Variants in WFDC1 observed in about 807,000 individuals in gnomAD.
The protein encoded by WFDC1 is WAP four-disulfide core domain 1.
Under a neutral mutation model 32.9 loss-of-function variants are expected in WFDC1, and 39 were observed. The ratio of observed to expected loss-of-function variants is 1.19; its 90% confidence interval spans 0.92 to 1.55. WFDC1 has a LOEUF of 1.55. Ranked by LOEUF, WFDC1 falls within the 40% of genes most tolerant of loss-of-function variation. The pLI is 0.00. For synonymous variants in WFDC1, 184 were observed against 137.4 expected, an observed-to-expected ratio of 1.34 and a Z score of -2.37; for missense variants, 386 against 309.5, an observed-to-expected ratio of 1.25 and a Z score of -1.85.
intron 5 of WFDC1, 170 bp from the exon 6 acceptor site, chr16:84,326,712 G>C: frequency 4.5e-6 from 3 of 666,294 alleles, no homozygotes; most frequent in South Asian, 1.7e-5. Flanking sequence ...CAGCTGGGGG[G>C]CCTGGGGAGG....
chr16:84,311,527 C>CTT (rs35243949), intron 1 of WFDC1, among the ~76,000 whole-genome samples: 1,591 of 88,662 alleles, frequency 0.018, 123 homozygotes, highest in Admixed American at 0.077. Flanking sequence ...TGCGCCTGGA[C>CTT]TTTTTTTTTT....
intron 1 of WFDC1, among the ~76,000 whole-genome samples, chr16:84,302,898 T>C (rs777373674): frequency 1.3e-5 from 2 of 152,128 alleles, no homozygotes; most frequent in Non-Finnish European, 2.9e-5. Context: ...TCAATTATGT[T>C]AAAACCTTCC....
chr16:84,304,017 A>T (rs1453575650), intron 1 of WFDC1, among the ~76,000 whole-genome samples: 1 of 152,196 alleles, frequency 6.6e-6, no homozygotes, highest in African/African-American at 2.4e-5. Flanking sequence ...GTGGATCGAC[A>T]TCTTCCTTTC....
chr16:84,305,163 C>G (rs577591355), intron 1 of WFDC1, among the ~76,000 whole-genome samples: 2 of 152,334 alleles, frequency 1.3e-5, no homozygotes, highest in African/African-American at 2.4e-5. Context: ...TGTGAGGACC[C>G]AGCACAGCAT....
chr16:84,309,605 A>T (rs1168910308), intron 1 of WFDC1, among the ~76,000 whole-genome samples: 1 of 152,028 alleles, frequency 6.6e-6, no homozygotes, highest in African/African-American at 2.4e-5. Flanking sequence ...AGGGGTGGTT[A>T]AGCCAACAGA....
In WFDC1 at chr16:84,295,085, A is replaced by G. The variant is rs763741073; in HGVS notation, c.114A>G (p.Ala38=). 11 of 1,614,058 alleles carry G rather than the reference A, an allele frequency of 6.8e-6. No individual in the cohort carries two copies. Among genetic ancestry groups the G allele is most frequent in the East Asian group, 6.7e-5 (3 of 44,882 alleles). ...AGSAKNIWKR[A]LPARLAEKSR... ...CTGCCAAGAATATCTGGAAACGGGC[A>G]TTGCCTGCGAGGCTGGCCGAGAAAT... Residue 38 remains alanine (A), a synonymous_variant, in exon 1 of 7, where the codon GCA becomes GCG. Transcript: ENST00000219454.
At chr16:84,318,674 T>C (rs926353548) in intron 3 of WFDC1, 5 of 272,300 alleles carry the variant, frequency 1.8e-5, no homozygotes, top group Non-Finnish European at 2.2e-5. Context: ...CACCGCTCTC[T>C]AATGATGAAG....
intron 2 of WFDC1, 30 bp from the exon 3 acceptor site, chr16:84,318,242 G>C (rs1567661068): frequency 6.2e-7 from 1 of 1,612,026 alleles, no homozygotes; most frequent in Non-Finnish European, 8.5e-7. Context: ...TGCTTGAGGA[G>C]GGCCCTGATC....
intron 6 of WFDC1, 90 bp downstream of exon 6, chr16:84,327,045 G>A: frequency 7.6e-7 from 1 of 1,322,398 alleles, no homozygotes; most frequent in South Asian, 1.2e-5. Flanking sequence ...AGGAGCAGGA[G>A]GGTGAGAGTA....
intron 1 of WFDC1, among the ~76,000 whole-genome samples, chr16:84,302,642 G>A (rs1373183343): frequency 2.0e-5 from 3 of 152,156 alleles, no homozygotes; most frequent in African/African-American, 7.2e-5. Context: ...TTAGCATTTA[G>A]CTCTGTTGTT....
At chr16:84,310,187 G>T (rs1244785635) in intron 1 of WFDC1, among the ~76,000 whole-genome samples, 5 of 151,862 alleles carry the variant, frequency 3.3e-5, no homozygotes, top group African/African-American at 1.2e-4. Flanking sequence ...GACAAGGGAG[G>T]GTGGGTGTGG....
intron 1 of WFDC1, among the ~76,000 whole-genome samples, chr16:84,304,385 C>G (rs537081889): frequency 6.6e-6 from 1 of 152,276 alleles, no homozygotes; most frequent in South Asian, 2.1e-4. Flanking sequence ...CCCGCCACCA[C>G]GCCTGGCTAG....
At chr16:84,302,951 G>A (rs538498421) in intron 1 of WFDC1, among the ~76,000 whole-genome samples, 13 of 152,090 alleles carry the variant, frequency 8.5e-5, no homozygotes, top group African/African-American at 2.7e-4. Context: ...GGACTCTCGG[G>A]TGCACTGACT....
chr16:84,323,015 A>G (rs1428101123), intron 4 of WFDC1, among the ~76,000 whole-genome samples: 2 of 152,120 alleles, frequency 1.3e-5, no homozygotes, highest in Admixed American at 1.3e-4. Context: ...CGGGGTCCAC[A>G]TTTACCTCTG....
At chr16:84,302,228 G>C (rs138021677) in intron 1 of WFDC1, among the ~76,000 whole-genome samples, 1 of 152,164 alleles carries the variant, frequency 6.6e-6, no homozygotes, top group Non-Finnish European at 1.5e-5. Context: ...GGGGGCAGCT[G>C]TCTGATGAGA....
intron 2 of WFDC1, among the ~76,000 whole-genome samples, chr16:84,314,296 G>A (rs944755712): frequency 1.3e-5 from 2 of 152,194 alleles, no homozygotes; most frequent in African/African-American, 4.8e-5. Flanking sequence ...TGGGGAGTAG[G>A]GTAGACAAGT....
At chr16:84,304,862 G>A (rs1330121702) in intron 1 of WFDC1, among the ~76,000 whole-genome samples, 2 of 152,210 alleles carry the variant, frequency 1.3e-5, no homozygotes, top group Non-Finnish European at 2.9e-5. Flanking sequence ...CTGAGCTGGG[G>A]CTGGGCCACA....
At position 84,312,996 on chromosome 16, in the gene WFDC1, G is replaced by A; in HGVS notation, c.180G>A (p.Gln60=). 2 of 1,247,264 alleles carry A rather than the reference G, an allele frequency of 1.6e-6. No individual in the cohort carries two copies. Among genetic ancestry groups the A allele is most frequent in the South Asian group, 2.8e-5 (1 of 35,348 alleles). 77.3% of individuals were successfully genotyped at this position (1,247,264 alleles called of 1,614,324 possible). A position where few individuals can be genotyped will look rare whatever the true frequency, so the allele number is the denominator to read the frequency against. The change falls in exon 2 of 7, where the codon CAG becomes CAA. Residue 60 remains glutamine, a synonymous_variant. Transcript: ENST00000219454. ...EEAGAPGGPR[Q]PRADRCPPPP... is the part of the protein sequence containing the mutation. ...CGGGCGCGCCCGGCGGCCCCCGGCA[G>A]CCCCGAGCAGACCGCTGCCCGCCGC...
chr16:84,306,140 C>T (rs1907242857), intron 1 of WFDC1, among the ~76,000 whole-genome samples: 1 of 152,196 alleles, frequency 6.6e-6, no homozygotes, highest in Non-Finnish European at 1.5e-5. Context: ...TCACCACAGA[C>T]ATCGGCAGCA....
Sources: allele counts gnomAD v4.1 joint callset (sites outside exome capture counted in the v4.1 genomes callset), GRCh38; gene constraint gnomAD v4.1.1; transcripts MANE v1.5; gene names NCBI Gene and HGNC (gene_info 2026-07-23, HGNC 2026-07-21).